The following CCDC178 variants were observed in gnomAD, a reference collection of about 807,000 sequenced individuals.
CCDC178 encodes the protein coiled-coil domain-containing protein 178.
In CCDC178, 126 loss-of-function variants were observed where a neutral mutation model predicts 117.4. That is an observed-to-expected ratio of 1.07 (90% CI 0.93 to 1.24). CCDC178 has a LOEUF of 1.24. Among genes scored for constraint, CCDC178 ranks in the 50% most tolerant of loss-of-function variants. The probability of loss-of-function intolerance (pLI) is 0.00; values close to 1 mark genes in which losing one functional copy is unlikely to be tolerated. For synonymous variants in CCDC178, 283 were observed against 313.4 expected (o/e 0.90, Z 1.02); for missense variants, 1,030 against 986.9 (o/e 1.04, Z -0.59).
chr18:33,081,025 A>C (rs750161662), intron 21 of CCDC178, among the ~76,000 whole-genome samples: 1 of 152,168 alleles, frequency 6.6e-6, no homozygotes, highest in Non-Finnish European at 1.5e-5. Flanking sequence ...AAACTTGTCC[A>C]AGACTCCCTA....
intron 21 of CCDC178, among the ~76,000 whole-genome samples, chr18:33,091,508 T>C (rs944922986): frequency 2.0e-5 from 3 of 151,856 alleles, no homozygotes; most frequent in Non-Finnish European, 2.9e-5. Flanking sequence ...GGCTAATTTT[T>C]GTATTTTTAG....
At chr18:32,987,520 T>C (rs2055288431) in intron 21 of CCDC178, among the ~76,000 whole-genome samples, 1 of 152,140 alleles carries the variant, frequency 6.6e-6, no homozygotes, top group Non-Finnish European at 1.5e-5. Context: ...TATATGTATA[T>C]ATGCATATAT....
intron 20 of CCDC178, among the ~76,000 whole-genome samples, chr18:33,177,757 A>G (rs933195812): frequency 1.3e-5 from 2 of 152,130 alleles, no homozygotes; most frequent in Non-Finnish European, 2.9e-5. Flanking sequence ...CCACTTTGTC[A>G]AACTTCTTAA....
At chr18:33,120,571 A>T (rs143278703) in intron 20 of CCDC178, among the ~76,000 whole-genome samples, 71 of 152,300 alleles carry the variant, frequency 4.7e-4, no homozygotes, top group Middle Eastern at 3.4e-3. Context: ...GGGTCAACCC[A>T]CCTGGAAAAG....
At chr18:33,128,403 T>C (rs2058033891) in intron 20 of CCDC178, among the ~76,000 whole-genome samples, 1 of 152,176 alleles carries the variant, frequency 6.6e-6, no homozygotes, top group Admixed American at 6.6e-5. Flanking sequence ...TTGGGACAAT[T>C]TGTGGGAAAC....
intron 15 of CCDC178, among the ~76,000 whole-genome samples, chr18:33,231,857 T>C (rs2144652151): frequency 6.6e-6 from 1 of 152,272 alleles, no homozygotes; most frequent in African/African-American, 2.4e-5. Flanking sequence ...AGCTTCACTC[T>C]GCTTGGGAGA....
chr18:33,373,211 A>G (rs545996644), intron 5 of CCDC178, among the ~76,000 whole-genome samples: 1 of 152,244 alleles, frequency 6.6e-6, no homozygotes, highest in South Asian at 2.1e-4. Flanking sequence ...ACTGTTGGAG[A>G]CACTTATCAC....
At chr18:33,383,499 C>T (rs2063461181) in intron 5 of CCDC178, among the ~76,000 whole-genome samples, 1 of 152,008 alleles carries the variant, frequency 6.6e-6, no homozygotes, top group African/African-American at 2.4e-5. Context: ...CCCTCTGGGA[C>T]AAAGCTTCCA....
At position 33,394,943 on chromosome 18, in the gene CCDC178, G is replaced by GTATATATATA. The variant is rs61298209; in HGVS notation, c.118+2196_118+2205dup. Among the ~76,000 whole-genome samples the GTATATATATA allele has an allele frequency of 1.5e-3, 94 of 61,498 alleles. 1 individual carries two copies. The highest frequency in any genetic ancestry group is 2.0e-3 in the East Asian group (4 of 2,050). The allele number at this position is 61,498 out of a possible 152,430, so 40.3% of individuals were successfully genotyped here. On this transcript the variant is annotated intron_variant, in intron 4 of 22. Transcript: ENST00000383096. ...ACTTTAAAAGCCTGTATATGTATGT[G>GTATATATATA]TATATATATATATATATATATATAT...
At chr18:32,980,423 T>C (rs2055126367) in intron 21 of CCDC178, among the ~76,000 whole-genome samples, 3 of 151,582 alleles carry the variant, frequency 2.0e-5, no homozygotes, top group South Asian at 2.1e-4. Flanking sequence ...TACAAAAAAT[T>C]AGCCGGGCGC....
At chr18:33,059,035 G>A (rs1406601298) in intron 21 of CCDC178, among the ~76,000 whole-genome samples, 2 of 152,130 alleles carry the variant, frequency 1.3e-5, no homozygotes, top group South Asian at 2.1e-4. Context: ...CACTGGGAAA[G>A]AAGGGTCAAC....
chr18:33,141,823 A>G (rs1323727150), intron 20 of CCDC178, among the ~76,000 whole-genome samples: 2 of 152,164 alleles, frequency 1.3e-5, no homozygotes, highest in Non-Finnish European at 2.9e-5. Context: ...TGAGATGCCA[A>G]TGTAAGTTTC....
rs117963929 is a variant in CCDC178 at position 33,403,974 on chromosome 18, T to C, written c.59-6766A>G. On this transcript the variant is annotated intron_variant, in intron 3 of 22. Transcript: ENST00000383096. ...TTTTGAATTATTGCCAGGGTAAAAA[T>C]TGCCATTTTGAAATATACCCAGAAG... 4.4e-3 allele frequency among the ~76,000 whole-genome samples: 672 copies of C among 152,200 alleles called. 2 individuals are homozygous for C. Among genetic ancestry groups the C allele is most frequent in the Non-Finnish European group, 6.1e-3 (414 of 67,988 alleles).
intron 21 of CCDC178, among the ~76,000 whole-genome samples, chr18:33,065,749 C>A (rs1326506176): frequency 6.6e-6 from 1 of 151,976 alleles, no homozygotes; most frequent in Non-Finnish European, 1.5e-5. Context: ...AATTTTGTAG[C>A]AGATACCTTA....
intron 21 of CCDC178, among the ~76,000 whole-genome samples, chr18:32,979,589 A>G (rs2055104728): frequency 6.6e-6 from 1 of 152,220 alleles, no homozygotes; most frequent in African/African-American, 2.4e-5. Flanking sequence ...AGAAAGTTAC[A>G]AAATATTTTG....
At chr18:33,017,234 C>T (rs1271885620) in intron 21 of CCDC178, among the ~76,000 whole-genome samples, 2 of 151,694 alleles carry the variant, frequency 1.3e-5, no homozygotes, top group Non-Finnish European at 3.0e-5. Context: ...AATATTAGAA[C>T]CAATGAATGG....
intron 20 of CCDC178, among the ~76,000 whole-genome samples, chr18:33,100,808 A>G (rs1186205568): frequency 2.0e-5 from 3 of 152,014 alleles, no homozygotes; most frequent in East Asian, 1.9e-4. Flanking sequence ...CACAAATGCC[A>G]CTTATGTTAG....
intron 21 of CCDC178, among the ~76,000 whole-genome samples, chr18:32,993,222 T>C (rs1041559053): frequency 1.3e-5 from 2 of 152,070 alleles, no homozygotes; most frequent in Non-Finnish European, 2.9e-5. Context: ...TACTTGACTC[T>C]GAAGGTGGGA....
intron 21 of CCDC178, among the ~76,000 whole-genome samples, chr18:33,000,782 G>T (rs1403465904): frequency 1.3e-5 from 2 of 152,156 alleles, no homozygotes; most frequent in African/African-American, 4.8e-5. Context: ...AAAACTGAGA[G>T]ATTTTGTCCA....
Sources: gnomAD v4.1 joint callset for allele counts (sites outside exome capture counted in the v4.1 genomes callset) on GRCh38, gnomAD v4.1.1 for gene constraint, MANE v1.5 for transcripts, NCBI Gene and HGNC (gene_info 2026-07-23, HGNC 2026-07-21) for gene names.